The following RCAN2 variants were observed in gnomAD, a reference collection of about 807,000 sequenced individuals.
RCAN2 encodes the protein calcipressin-2.
Under a neutral mutation model 23.6 loss-of-function variants are expected in RCAN2, and 9 were observed. The observed-to-expected ratio is 0.38, with a 90% CI of 0.23 to 0.67. The LOEUF is 0.67. RCAN2 is among the 30% of genes least tolerant of loss of function. RCAN2 has a pLI of 0.51. For missense variants in RCAN2, 273 were observed against 302.3 expected (o/e 0.90, Z 0.72); for synonymous variants, 109 against 115.7 (o/e 0.94, Z 0.37).
At chr6:46,281,683 T>C (rs540068044) in intron 2 of RCAN2, among the ~76,000 whole-genome samples, 22 of 152,320 alleles carry the variant, frequency 1.4e-4, no homozygotes, top group Middle Eastern at 3.4e-3. Context: ...TATTTTGTTA[T>C]TTTTCTTTTT....
chr6:46,243,406 A>T (rs910121446), intron 4 of RCAN2, among the ~76,000 whole-genome samples: 29 of 152,326 alleles, frequency 1.9e-4, no homozygotes, highest in African/African-American at 5.5e-4. Context: ...CATACTTAAA[A>T]ATCAGGAAAC....
intron 2 of RCAN2, among the ~76,000 whole-genome samples, chr6:46,356,154 A>G (rs145886051): frequency 6.6e-6 from 1 of 152,332 alleles, no homozygotes; most frequent in Non-Finnish European, 1.5e-5. Context: ...TTGGAGACCA[A>G]CTGAAGAAGT....
At chr6:46,364,715 G>T (rs1252967126) in intron 2 of RCAN2, among the ~76,000 whole-genome samples, 1 of 152,090 alleles carries the variant, frequency 6.6e-6, no homozygotes. Context: ...TGAAAGTTCT[G>T]GTACCCCAGC....
chr6:46,385,548 C>A (rs1765718365), intron 2 of RCAN2, among the ~76,000 whole-genome samples: 2 of 152,066 alleles, frequency 1.3e-5, no homozygotes, highest in African/African-American at 2.4e-5. Context: ...AAAATTAACT[C>A]AAGATGGATT....
chr6:46,475,994 G>A (rs902788699), intron 1 of RCAN2, among the ~76,000 whole-genome samples: 1 of 152,172 alleles, frequency 6.6e-6, no homozygotes, highest in African/African-American at 2.4e-5. Context: ...CATGTAGGTG[G>A]ACTAAGTAAC....
At chr6:46,316,858 C>T (rs1013783507) in intron 2 of RCAN2, among the ~76,000 whole-genome samples, 14 of 152,138 alleles carry the variant, frequency 9.2e-5, no homozygotes, top group African/African-American at 3.4e-4. Context: ...ATTAGATGCA[C>T]TGATAATGCA....
intron 2 of RCAN2, among the ~76,000 whole-genome samples, chr6:46,259,397 A>T (rs935328423): frequency 1.3e-5 from 2 of 152,232 alleles, no homozygotes; most frequent in Non-Finnish European, 2.9e-5. Flanking sequence ...CCTGGGAAAT[A>T]TGCCCAAGAG....
chr6:46,231,144 T>A (rs1765871093), intron 4 of RCAN2, among the ~76,000 whole-genome samples: 1 of 152,154 alleles, frequency 6.6e-6, no homozygotes, highest in Non-Finnish European at 1.5e-5. Context: ...ATGAGGTCAT[T>A]AGGGTGGGCT....
chr6:46,416,570 A>G (rs1446347029), intron 2 of RCAN2, among the ~76,000 whole-genome samples: 2 of 151,520 alleles, frequency 1.3e-5, no homozygotes, highest in African/African-American at 4.9e-5. Flanking sequence ...GCTGGAGTAT[A>G]GTGGCACAAT....
intron 2 of RCAN2, among the ~76,000 whole-genome samples, chr6:46,346,768 T>A (rs988424073): frequency 6.6e-6 from 1 of 152,044 alleles, no homozygotes; most frequent in Non-Finnish European, 1.5e-5. Flanking sequence ...TTTCTTCTTT[T>A]CTTTTGTATT....
At chr6:46,451,453 A>G (rs574529391) in intron 2 of RCAN2, among the ~76,000 whole-genome samples, 104 of 152,310 alleles carry the variant, frequency 6.8e-4, no homozygotes, top group African/African-American at 2.4e-3. Flanking sequence ...TTGTCTCACA[A>G]TGGATTGTGA....
intron 2 of RCAN2, among the ~76,000 whole-genome samples, chr6:46,309,600 A>G (rs994060664): frequency 6.6e-6 from 1 of 152,098 alleles, no homozygotes; most frequent in African/African-American, 2.4e-5. Flanking sequence ...CCATAGAATG[A>G]CCTATCAATG....
intron 2 of RCAN2, among the ~76,000 whole-genome samples, chr6:46,329,346 C>G (rs1335279824): frequency 6.6e-6 from 1 of 152,144 alleles, no homozygotes; most frequent in Non-Finnish European, 1.5e-5. Flanking sequence ...TTTTAACTTT[C>G]TTCACAGCAC....
At chr6:46,360,085 A>AT (rs1290774186) in intron 2 of RCAN2, among the ~76,000 whole-genome samples, 1 of 152,106 alleles carries the variant, frequency 6.6e-6, no homozygotes, top group Non-Finnish European at 1.5e-5. Flanking sequence ...ATGTGATGAG[A>AT]TCCCCCAGGG....
rs1765503450 is a variant in RCAN2 at position 46,222,314 on chromosome 6, T to C, written c.*827A>G. The C allele has an allele frequency of 4.6e-6, 1 of 219,714 alleles. No homozygotes were observed. Among genetic ancestry groups the C allele is most frequent in the Non-Finnish European group, 8.9e-6 (1 of 112,922 alleles). The allele number at this position is 219,714 out of a possible 1,614,324, so 13.6% of individuals were successfully genotyped here. A position where few individuals can be genotyped will look rare whatever the true frequency, so the allele number is the denominator to read the frequency against. Reference sequence around the variant, plus strand: ...CACAGCTGAAACATTTGTACAAATATACAAAGAGAGAAAACAATCATTCAG... The same window carrying C: ...CACAGCTGAAACATTTGTACAAATACACAAAGAGAGAAAACAATCATTCAG... On this transcript the variant is annotated 3_prime_UTR_variant, in exon 5 of 5. Coordinates refer to ENST00000371374, the MANE Select transcript of RCAN2 (RefSeq NM_001251974.2).
At chr6:46,477,992 T>G (rs1171996741) in intron 1 of RCAN2, among the ~76,000 whole-genome samples, 1 of 152,216 alleles carries the variant, frequency 6.6e-6, no homozygotes, top group African/African-American at 2.4e-5. Context: ...CCATAGTCTT[T>G]AACTAAGAAT....
At chr6:46,477,635 T>C (rs1263519689) in intron 1 of RCAN2, among the ~76,000 whole-genome samples, 1 of 152,204 alleles carries the variant, frequency 6.6e-6, no homozygotes, top group Non-Finnish European at 1.5e-5. Context: ...AAATATTATC[T>C]ACTGAAAAGA....
rs776671267 is a variant in RCAN2 at position 46,248,843 on chromosome 6, T to G, written c.279A>C (p.Leu93=). The G allele has an allele frequency of 3.7e-6, 6 of 1,612,990 alleles. No individual in the cohort carries two copies. Among genetic ancestry groups the G allele is most frequent in the Non-Finnish European group, 5.1e-6 (6 of 1,179,748 alleles). The change falls in exon 3 of 5, where the codon CTA becomes CTC. Residue 93 remains leucine, a synonymous_variant. Transcript: ENST00000371374. ...TACGGACACGTCTGAAACTCTTAAA[T>G]AGCTGGAACGTCACACAGTCATCAT... ...RTYDDCVTFQ[L]FKSFRRVRIN...
At chr6:46,414,405 T>C (rs1419228441) in intron 2 of RCAN2, among the ~76,000 whole-genome samples, 1 of 152,216 alleles carries the variant, frequency 6.6e-6, no homozygotes, top group Non-Finnish European at 1.5e-5. Context: ...AGAGGACTTC[T>C]TAGAAGTTGG....
Sources: allele counts gnomAD v4.1 joint callset (sites outside exome capture counted in the v4.1 genomes callset), GRCh38; gene constraint gnomAD v4.1.1; transcripts MANE v1.5; gene names NCBI Gene and HGNC (gene_info 2026-07-23, HGNC 2026-07-21).